Variants in GMCL1 observed in about 807,000 individuals in gnomAD.
GMCL1 encodes germ cell-less protein-like 1.
GMCL1 carries 54 observed loss-of-function variants against 75.5 expected under a neutral mutation model. That is an observed-to-expected ratio of 0.71 (90% CI 0.57 to 0.90). The LOEUF (loss-of-function observed/expected upper bound fraction) is 0.90. Ranked by LOEUF, GMCL1 falls within the 40% of genes least tolerant of loss-of-function variation. GMCL1 has a pLI of 0.00. For synonymous variants in GMCL1, 210 were observed against 209.6 expected (o/e 1.00, Z -0.02); for missense variants, 537 against 622.7 (o/e 0.86, Z 1.47).
intron 11 of GMCL1, among the ~76,000 whole-genome samples, chr2:69,865,744 A>T (rs1675797868): frequency 6.6e-6 from 1 of 152,146 alleles, no homozygotes; most frequent in Non-Finnish European, 1.5e-5. Context: ...TGCATCCAGA[A>T]ATTATTTTTT....
intron 1 of GMCL1, among the ~76,000 whole-genome samples, chr2:69,835,110 T>A (rs1674780930): frequency 6.6e-6 from 1 of 152,052 alleles, no homozygotes; most frequent in Non-Finnish European, 1.5e-5. Flanking sequence ...AAAGAAGAGG[T>A]ACCTTGGAAA....
At chr2:69,830,762 CCT>C (rs1491242860) in intron 1 of GMCL1, among the ~76,000 whole-genome samples, 2 of 126,934 alleles carry the variant, frequency 1.6e-5, no homozygotes, top group Non-Finnish European at 3.0e-5. Flanking sequence ...TTGTTTAACC[CCT>C]TTTTTTTTTT....
At chr2:69,847,657 C>T (rs1385353131) in intron 7 of GMCL1, 30 bp downstream of exon 7, 5 of 1,322,370 alleles carry the variant, frequency 3.8e-6, no homozygotes, top group Non-Finnish European at 5.5e-6. Context: ...TCATATTATA[C>T]AAGGATGTCA....
At chr2:69,856,640 CTTTTTTTTT>C (rs34707640) in intron 9 of GMCL1, among the ~76,000 whole-genome samples, 5 of 89,794 alleles carry the variant, frequency 5.6e-5, no homozygotes, top group South Asian at 5.3e-4. Context: ...CTCTTCCCTC[CTTTTTTTTT>C]TTTTTTTTTT....
intron 1 of GMCL1, among the ~76,000 whole-genome samples, chr2:69,836,396 G>A (rs910470913): frequency 3.3e-5 from 5 of 152,134 alleles, no homozygotes; most frequent in Admixed American, 1.3e-4. Flanking sequence ...ACATTCTGCC[G>A]TCAGGAACTG....
intron 2 of GMCL1, 65 bp downstream of exon 2, chr2:69,837,735 A>G (rs1573341979): frequency 3.3e-6 from 5 of 1,517,614 alleles, no homozygotes; most frequent in South Asian, 1.2e-5. Flanking sequence ...GTTCTTCCTC[A>G]TTGCACTTCA....
intron 9 of GMCL1, among the ~76,000 whole-genome samples, chr2:69,860,584 C>G (rs1675611730): frequency 6.6e-6 from 1 of 151,936 alleles, no homozygotes; most frequent in African/African-American, 2.4e-5. Flanking sequence ...AATTTTCTGT[C>G]AGAACTTCTG....
chr2:69,841,638 C>T (rs757177782), intron 4 of GMCL1, among the ~76,000 whole-genome samples: 5 of 152,060 alleles, frequency 3.3e-5, no homozygotes, highest in Non-Finnish European at 7.4e-5. Context: ...GATATACAAA[C>T]CCAAAGGTAA....
In GMCL1 at chr2:69,829,932, C is replaced by T; in HGVS notation, c.40C>T (p.Pro14Ser). ...LSSRVLRQPR[P>S]ALAQQAQGAR... ...CAGCCGGGTGCTGCGCCAGCCAAGACCAGCCCTTGCCCAGCAGGCGCAGGG... is the reference window on the plus strand; with the variant it reads ...CAGCCGGGTGCTGCGCCAGCCAAGATCAGCCCTTGCCCAGCAGGCGCAGGG... Residue 14 changes from proline (P) to serine (S), a missense_variant, in exon 1 of 14, where the codon CCA becomes TCA. Coordinates refer to ENST00000282570, the MANE Select transcript of GMCL1 (RefSeq NM_178439.5). The T allele has an allele frequency of 6.2e-7, 1 of 1,604,310 alleles. No homozygotes were observed. The highest frequency in any genetic ancestry group is 1.3e-5 in the African/African-American group (1 of 74,868).
intron 8 of GMCL1, 128 bp downstream of exon 8, chr2:69,849,870 A>G: frequency 2.0e-6 from 1 of 503,130 alleles, no homozygotes; most frequent in Non-Finnish European, 3.5e-6. Flanking sequence ...TATAGACTTA[A>G]TTTTAGAGCT....
chr2:69,852,916 C>A (rs1384789278), intron 8 of GMCL1, among the ~76,000 whole-genome samples: 1 of 152,114 alleles, frequency 6.6e-6, no homozygotes, highest in Admixed American at 6.5e-5. Flanking sequence ...CTACAAGAAA[C>A]AACAGAAATT....
At chr2:69,864,281 T>TG (rs1422029196) in intron 10 of GMCL1, among the ~76,000 whole-genome samples, 10 of 152,132 alleles carry the variant, frequency 6.6e-5, no homozygotes, top group African/African-American at 2.4e-4. Context: ...AATGAATATA[T>TG]GAATGAATGT....
Position 69,847,642 on chromosome 2 carries a change from T to C in GMCL1, c.843+15T>C, listed in dbSNP as rs1264281900. 6.7e-7 allele frequency: 1 copy of C among 1,484,660 alleles called. No individual in the cohort carries two copies. The highest frequency in any genetic ancestry group is 1.7e-5 in the Admixed American group (1 of 59,530). The allele number at this position is 1,484,660 out of a possible 1,614,324, so 92.0% of individuals were successfully genotyped here. A position where few individuals can be genotyped will look rare whatever the true frequency, so the allele number is the denominator to read the frequency against. On this transcript the variant is annotated intron_variant, in intron 7 of 13. Transcript: ENST00000282570. ...CTCTAAAAAAGGTACTGACGTAATA[T>C]GATGTCATATTATACAAGGATGTCA...
chr2:69,839,439 C>CT lies in GMCL1; in HGVS notation c.385-8dup, dbSNP rs3832156. 14,167 of 1,291,366 alleles carry CT rather than the reference C, an allele frequency of 0.011. No individual in the cohort carries two copies. The highest frequency in any genetic ancestry group is 0.014 in the South Asian group (956 of 69,784). 80.0% of individuals were successfully genotyped at this position (1,291,366 alleles called of 1,614,324 possible). Reference sequence around the variant, plus strand: ...ACAGAAAGTACTTGATAATCGTTGACTTTTTTTTTTGTTTAAGTCTGGCTA... The same window carrying CT: ...ACAGAAAGTACTTGATAATCGTTGACTTTTTTTTTTTGTTTAAGTCTGGCTA... On this transcript the variant is annotated splice_polypyrimidine_tract_variant and intron_variant, in intron 2 of 13. Coordinates refer to ENST00000282570, the MANE Select transcript of GMCL1 (RefSeq NM_178439.5).
At chr2:69,832,858 T>G (rs778272383) in intron 1 of GMCL1, among the ~76,000 whole-genome samples, 8 of 152,214 alleles carry the variant, frequency 5.3e-5, no homozygotes, top group Non-Finnish European at 8.8e-5. Flanking sequence ...AATTAACTAC[T>G]GAGGACAAAA....
intron 1 of GMCL1, among the ~76,000 whole-genome samples, chr2:69,831,579 A>G (rs1296094975): frequency 6.6e-6 from 1 of 151,140 alleles, no homozygotes; most frequent in Non-Finnish European, 1.5e-5. Context: ...TTGAAGCGTC[A>G]GTGTAGCATA....
Position 69,837,606 on chromosome 2 carries a change from A to G in GMCL1, c.320A>G (p.Asn107Ser). Residue 107 changes from asparagine (N) to serine (S), a missense_variant, in exon 2 of 14, where the codon AAC becomes AGC. This residue lies in a region of GMCL1 where 48 missense variants were observed against 85.0 expected (regional missense o/e 0.56). Transcript: ENST00000282570. ...IYQTLFLNGE[N>S]SDIKICALGE... Reference sequence around the variant, plus strand: ...CAAACATTATTTTTGAATGGTGAAAACAGTGACATTAAGATTTGTGCTCTA... The same window carrying G: ...CAAACATTATTTTTGAATGGTGAAAGCAGTGACATTAAGATTTGTGCTCTA... The G allele has an allele frequency of 6.2e-7, 1 of 1,606,254 alleles. No homozygotes were observed. The highest frequency in any genetic ancestry group is 8.5e-7 in the Non-Finnish European group (1 of 1,177,310).
At chr2:69,836,310 C>A (rs1335683141) in intron 1 of GMCL1, among the ~76,000 whole-genome samples, 1 of 152,158 alleles carries the variant, frequency 6.6e-6, no homozygotes, top group Non-Finnish European at 1.5e-5. Context: ...TCACCTTTTC[C>A]TGGTGTGGAC....
rs1558551657 is a variant in GMCL1 at position 69,869,853 on chromosome 2, C to T, written c.1353C>T (p.Ser451=). The T allele has an allele frequency of 1.2e-6, 2 of 1,613,588 alleles. No individual in the cohort carries two copies. The highest frequency in any genetic ancestry group is 1.7e-6 in the Non-Finnish European group (2 of 1,179,836). Residue 451 remains serine, a synonymous_variant, in exon 12 of 14, where the codon AGC becomes AGT. Coordinates refer to ENST00000282570, the MANE Select transcript of GMCL1 (RefSeq NM_178439.5). ...SGSVSLQPRR[S]IAFRLRLASF... ...CTGTCAGTTTACAGCCTCGAAGGAG[C>T]ATAGCATTTAGGTAGGATGAGATTT... is the stretch of plus-strand genomic sequence containing the variant.
Sources: gnomAD v4.1 joint callset for allele counts (sites outside exome capture counted in the v4.1 genomes callset) on GRCh38, gnomAD v4.1.1 for gene constraint, gnomAD v4.1.1 regional missense constraint, MANE v1.5 for transcripts, NCBI Gene and HGNC (gene_info 2026-07-23, HGNC 2026-07-21) for gene names.